The following UNC5C variants were observed in gnomAD, a reference collection of about 807,000 sequenced individuals.
UNC5C encodes unc-5 netrin receptor C, also known as netrin receptor UNC5C.
In UNC5C, 47 loss-of-function variants were observed where a neutral mutation model predicts 99.8. The observed-to-expected ratio is 0.47, with a 90% CI of 0.37 to 0.60. UNC5C has a LOEUF of 0.60. Among genes scored for constraint, UNC5C ranks in the 20% least tolerant of loss-of-function variants. The probability of loss-of-function intolerance (pLI) is 0.00; values close to 1 mark genes in which losing one functional copy is unlikely to be tolerated. For synonymous variants in UNC5C, 487 were observed against 452.2 expected, an observed-to-expected ratio of 1.08 and a Z score of -0.98; for missense variants, 1,062 against 1,165.9, an observed-to-expected ratio of 0.91 and a Z score of 1.30.
intron 1 of UNC5C, among the ~76,000 whole-genome samples, chr4:95,349,098 C>T (rs552797376): frequency 6.6e-6 from 1 of 151,238 alleles, no homozygotes; most frequent in Admixed American, 6.6e-5. Flanking sequence ...ATTTATTATA[C>T]ATTTCAACAT....
At chr4:95,336,817 G>A (rs983891892) in intron 1 of UNC5C, among the ~76,000 whole-genome samples, 1 of 151,908 alleles carries the variant, frequency 6.6e-6, no homozygotes. Flanking sequence ...CCTATACCTA[G>A]ATATTTCTTC....
At chr4:95,448,631 GAGAA>G (rs1747190370) in intron 1 of UNC5C, among the ~76,000 whole-genome samples, 1 of 152,158 alleles carries the variant, frequency 6.6e-6, no homozygotes, top group South Asian at 2.1e-4. Flanking sequence ...ATGGTGGTGT[GAGAA>G]AGAACAGAGC....
In UNC5C at chr4:95,166,173, C is replaced by T. The variant is rs1735850043; in HGVS notation, c.*3061G>A. The T allele has an allele frequency of 6.6e-6, 1 of 152,188 alleles. No homozygotes were observed. Among genetic ancestry groups the T allele is most frequent in the South Asian group, 2.1e-4 (1 of 4,832 alleles). 9.4% of individuals were successfully genotyped at this position (152,188 alleles called of 1,614,324 possible). A position where few individuals can be genotyped will look rare whatever the true frequency, so the allele number is the denominator to read the frequency against. Reference sequence around the variant, plus strand: ...TTCTATCCAAATGAAACCAGCCAAACTGCCTCTCCAGCGGTGTAGAAAGAA... The same window carrying T: ...TTCTATCCAAATGAAACCAGCCAAATTGCCTCTCCAGCGGTGTAGAAAGAA... On this transcript the variant is annotated 3_prime_UTR_variant, in exon 16 of 16. Transcript: ENST00000453304.
intron 1 of UNC5C, among the ~76,000 whole-genome samples, chr4:95,533,190 G>T (rs1224577265): frequency 6.6e-6 from 1 of 152,096 alleles, no homozygotes; most frequent in African/African-American, 2.4e-5. Flanking sequence ...GAGATCAGCA[G>T]TTCGAGACCA....
rs1185064942 is a variant in UNC5C at position 95,514,026 on chromosome 4, GC to G, written c.124+34707del. Among the ~76,000 whole-genome samples, 5 of 152,104 alleles carry G rather than the reference GC, an allele frequency of 3.3e-5. No individual in the cohort carries two copies. The East Asian group carries it at 9.7e-4, about 29-fold the overall frequency. Reference sequence around the variant, plus strand: ...ATACTTCAGAATCAATATCAAATTCGCTAAATTAGCCATAAATAAACTCCCT... The same window carrying G: ...ATACTTCAGAATCAATATCAAATTCGTAAATTAGCCATAAATAAACTCCCT... On this transcript the variant is annotated intron_variant, in intron 1 of 15. Coordinates refer to ENST00000453304, the MANE Select transcript of UNC5C (RefSeq NM_003728.4).
chr4:95,428,483 A>T (rs1324504384), intron 1 of UNC5C, among the ~76,000 whole-genome samples: 1 of 152,190 alleles, frequency 6.6e-6, no homozygotes, highest in Non-Finnish European at 1.5e-5. Context: ...TTATCCAGAA[A>T]CATGGAAAGG....
At chr4:95,323,150 A>T (rs761848335) in intron 2 of UNC5C, among the ~76,000 whole-genome samples, 33 of 152,250 alleles carry the variant, frequency 2.2e-4, no homozygotes, top group Non-Finnish European at 3.8e-4. Context: ...AATGAGTAAG[A>T]TGCTGACAGA....
chr4:95,490,426 CTA>C (rs996017938), intron 1 of UNC5C, among the ~76,000 whole-genome samples: 2 of 151,648 alleles, frequency 1.3e-5, no homozygotes, highest in Non-Finnish European at 3.0e-5. Context: ...TAAAAAACCC[CTA>C]TGTTAATTTA....
intron 1 of UNC5C, among the ~76,000 whole-genome samples, chr4:95,437,475 A>C (rs1270851285): frequency 6.6e-6 from 1 of 151,992 alleles, no homozygotes; most frequent in Non-Finnish European, 1.5e-5. Flanking sequence ...TTGTAAAAGG[A>C]ACTTGTAGCA....
intron 14 of UNC5C, among the ~76,000 whole-genome samples, chr4:95,174,493 G>T (rs1299571077): frequency 6.6e-6 from 1 of 152,096 alleles, no homozygotes; most frequent in East Asian, 1.9e-4. Context: ...CCTTCATTTT[G>T]TTATTTACCC....
chr4:95,247,930 G>A (rs1739561007), intron 5 of UNC5C: 1 of 152,216 alleles, frequency 6.6e-6, no homozygotes, highest in African/African-American at 2.4e-5. Flanking sequence ...AGTCTTTCAG[G>A]CAGTTTAAAA....
In UNC5C at chr4:95,164,674, C is replaced by T. The variant is rs1735794704; in HGVS notation, c.*4560G>A. On this transcript the variant is annotated 3_prime_UTR_variant, in exon 16 of 16. Coordinates refer to ENST00000453304, the MANE Select transcript of UNC5C (RefSeq NM_003728.4). ...TATCTTGAGCAATGATGTACTGCTT[C>T]ACAAAAGCTCTTCCATTCTCAAAGA... 1 of 152,196 alleles carries T rather than the reference C, an allele frequency of 6.6e-6. No homozygotes were observed. 9.4% of individuals were successfully genotyped at this position (152,196 alleles called of 1,614,324 possible).
intron 1 of UNC5C, among the ~76,000 whole-genome samples, chr4:95,442,569 C>G (rs953168050): frequency 5.3e-5 from 8 of 151,818 alleles, no homozygotes; most frequent in African/African-American, 1.9e-4. Context: ...TGGGCTCAAG[C>G]AGTCCTCTCA....
chr4:95,302,145 C>T (rs997822270), intron 2 of UNC5C, among the ~76,000 whole-genome samples: 1 of 152,130 alleles, frequency 6.6e-6, no homozygotes, highest in Non-Finnish European at 1.5e-5. Context: ...CACAGATTTA[C>T]AAAGCTAAAA....
At chr4:95,329,341 C>T (rs1466831198) in intron 2 of UNC5C, among the ~76,000 whole-genome samples, 1 of 152,118 alleles carries the variant, frequency 6.6e-6, no homozygotes, top group Non-Finnish European at 1.5e-5. Context: ...TAAACAGTCC[C>T]TGCTATGCAA....
At chr4:95,262,065 CT>C (rs1351782358) in intron 4 of UNC5C, among the ~76,000 whole-genome samples, 1 of 152,162 alleles carries the variant, frequency 6.6e-6, no homozygotes, top group Non-Finnish European at 1.5e-5. Context: ...AGAAAGACAT[CT>C]TTTGCATGAA....
intron 1 of UNC5C, among the ~76,000 whole-genome samples, chr4:95,403,065 G>A (rs1232847250): frequency 6.6e-6 from 1 of 152,054 alleles, no homozygotes; most frequent in African/African-American, 2.4e-5. Context: ...TCACAGTCTT[G>A]GGGGAAGAAA....
At chr4:95,385,017 A>T (rs1334716053) in intron 1 of UNC5C, among the ~76,000 whole-genome samples, 1 of 133,284 alleles carries the variant, frequency 7.5e-6, no homozygotes, top group Admixed American at 7.7e-5. Context: ...TTCATGTTGT[A>T]TTTGTGCCCA....
At chr4:95,459,133 A>G (rs1281183127) in intron 1 of UNC5C, among the ~76,000 whole-genome samples, 1 of 152,104 alleles carries the variant, frequency 6.6e-6, no homozygotes, top group Non-Finnish European at 1.5e-5. Flanking sequence ...GGAACTCTGA[A>G]TCCCACTGTA....
Sources: gnomAD v4.1 joint callset for allele counts (sites outside exome capture counted in the v4.1 genomes callset) on GRCh38, gnomAD v4.1.1 for gene constraint, MANE v1.5 for transcripts, NCBI Gene and HGNC (gene_info 2026-07-23, HGNC 2026-07-21) for gene names.